Variants in EBF1 observed in about 807,000 individuals in gnomAD.
EBF1 encodes the protein transcription factor COE1.
EBF1 carries 10 observed loss-of-function variants against 68.4 expected under a neutral mutation model. The observed-to-expected ratio is 0.15, with a 90% CI of 0.09 to 0.25. The LOEUF (loss-of-function observed/expected upper bound fraction) is 0.25, where lower values mean the gene tolerates loss of function less well. Among genes scored for constraint, EBF1 ranks in the 10% least tolerant of loss-of-function variants. The pLI is 1.00. For synonymous variants in EBF1, 298 were observed against 299.8 expected, an observed-to-expected ratio of 0.99 and a Z score of 0.06; for missense variants, 509 against 794.4, an observed-to-expected ratio of 0.64 and a Z score of 4.32.
chr5:159,099,056 G>T (rs368400725), intron 1 of EBF1, among the ~76,000 whole-genome samples: 1 of 152,304 alleles, frequency 6.6e-6, no homozygotes, highest in South Asian at 2.1e-4. Flanking sequence ...ATGCTGTGTT[G>T]AGACGCCTCT....
chr5:158,774,028 C>T (rs977676233), intron 10 of EBF1, among the ~76,000 whole-genome samples: 2 of 152,134 alleles, frequency 1.3e-5, no homozygotes, highest in Admixed American at 6.5e-5. Context: ...GTCAGCCTTG[C>T]CCTACATTTA....
chr5:158,713,248 C>T, intron 12 of EBF1, 101 bp from the exon 13 acceptor site: 1 of 1,062,268 alleles, frequency 9.4e-7, no homozygotes, highest in Non-Finnish European at 1.2e-6. Context: ...TTTCAATGGT[C>T]AGCTGCATTA....
chr5:158,969,481 G>C (rs989207868), intron 6 of EBF1, among the ~76,000 whole-genome samples: 1 of 151,436 alleles, frequency 6.6e-6, no homozygotes, highest in African/African-American at 2.4e-5. Context: ...AGACTGCTAG[G>C]GGCCGGGGGC....
At chr5:159,092,049 A>T (rs1004307713) in intron 4 of EBF1, among the ~76,000 whole-genome samples, 3 of 152,214 alleles carry the variant, frequency 2.0e-5, no homozygotes, top group Non-Finnish European at 4.4e-5. Flanking sequence ...CTATTTAAAG[A>T]TATATAACTC....
intron 6 of EBF1, among the ~76,000 whole-genome samples, chr5:158,888,293 G>T (rs1229132945): frequency 6.6e-6 from 1 of 151,988 alleles, no homozygotes; most frequent in Admixed American, 6.6e-5. Flanking sequence ...TGTGTTTGTT[G>T]TGTGTATATT....
At chr5:158,881,552 C>T (rs1798904797) in intron 6 of EBF1, among the ~76,000 whole-genome samples, 1 of 152,204 alleles carries the variant, frequency 6.6e-6, no homozygotes, top group Admixed American at 6.5e-5. Context: ...GTGCTCTGCA[C>T]ACAGGTCTGT....
chr5:158,725,423 C>T (rs1161084465), intron 11 of EBF1, among the ~76,000 whole-genome samples: 2 of 152,256 alleles, frequency 1.3e-5, no homozygotes, highest in Non-Finnish European at 2.9e-5. Flanking sequence ...TGAACAACAA[C>T]TTTTTGCTCC....
At chr5:158,900,848 A>G (rs1425567492) in intron 6 of EBF1, among the ~76,000 whole-genome samples, 2 of 152,238 alleles carry the variant, frequency 1.3e-5, no homozygotes, top group Non-Finnish European at 2.9e-5. Context: ...TCCCGCAGAT[A>G]GTATTAATAA....
In EBF1 at chr5:158,906,358, C is replaced by T. The variant is rs75314136; in HGVS notation, c.555-66248G>A. ...TCCAGGTAAAATGAATGAGACATTT[C>T]GGAACCAATCATACATACAAAAAAA... On this transcript the variant is annotated intron_variant, in intron 6 of 15. Transcript: ENST00000313708. Among the ~76,000 whole-genome samples, 1,001 of 148,640 alleles carry T rather than the reference C, an allele frequency of 6.7e-3. 18 individuals carry two copies. Among genetic ancestry groups the T allele is most frequent in the African/African-American group, 0.024 (954 of 40,544 alleles).
At chr5:158,913,341 T>C (rs772336797) in intron 6 of EBF1, among the ~76,000 whole-genome samples, 4 of 152,226 alleles carry the variant, frequency 2.6e-5, no homozygotes, top group Non-Finnish European at 5.9e-5. Context: ...CAGGGCTTCA[T>C]GGTTCTAAAG....
chr5:159,020,634 C>T (rs1766499101), intron 6 of EBF1, among the ~76,000 whole-genome samples: 1 of 152,220 alleles, frequency 6.6e-6, no homozygotes, highest in South Asian at 2.1e-4. Flanking sequence ...TTTTATTATA[C>T]TCATGACTAG....
At chr5:159,050,575 A>G (rs910825173) in intron 6 of EBF1, among the ~76,000 whole-genome samples, 1 of 152,174 alleles carries the variant, frequency 6.6e-6, no homozygotes, top group Non-Finnish European at 1.5e-5. Context: ...AGTCTCAGTC[A>G]TAGCTCTCAG....
intron 6 of EBF1, among the ~76,000 whole-genome samples, chr5:158,849,759 C>T (rs904792512): frequency 6.6e-6 from 1 of 152,186 alleles, no homozygotes; most frequent in African/African-American, 2.4e-5. Flanking sequence ...TATTTTCTGA[C>T]TTTTCTATGA....
At chr5:159,011,951 C>A (rs1764748573) in intron 6 of EBF1, among the ~76,000 whole-genome samples, 1 of 152,226 alleles carries the variant, frequency 6.6e-6, no homozygotes, top group South Asian at 2.1e-4. Flanking sequence ...ATCACTCTAA[C>A]CAAGAGAGAC....
intron 11 of EBF1, among the ~76,000 whole-genome samples, chr5:158,730,203 C>T (rs545378823): frequency 2.6e-4 from 39 of 152,338 alleles, no homozygotes; most frequent in African/African-American, 8.9e-4. Flanking sequence ...ACAGTGAATG[C>T]AAGCTCAACG....
At chr5:158,786,176 A>C (rs373927344) in intron 9 of EBF1, among the ~76,000 whole-genome samples, 14 of 152,112 alleles carry the variant, frequency 9.2e-5, no homozygotes, top group African/African-American at 2.7e-4. Context: ...CAAAAAAAAA[A>C]CTTTTTACTT....
chr5:158,757,314 T>G (rs1453893620), intron 10 of EBF1, among the ~76,000 whole-genome samples: 1 of 152,206 alleles, frequency 6.6e-6, no homozygotes, highest in Non-Finnish European at 1.5e-5. Context: ...CTCTCCTTCC[T>G]GCAAATGTTT....
At chr5:158,947,221 C>A (rs760137470) in intron 6 of EBF1, among the ~76,000 whole-genome samples, 1 of 151,598 alleles carries the variant, frequency 6.6e-6, no homozygotes, top group Admixed American at 6.6e-5. Context: ...GCATTCCAGG[C>A]GCCACCAGGG....
intron 6 of EBF1, among the ~76,000 whole-genome samples, chr5:158,842,464 TG>T (rs1377549153): frequency 2.0e-5 from 3 of 152,058 alleles, no homozygotes; most frequent in African/African-American, 7.2e-5. Context: ...ACAACAAGAG[TG>T]GGTGTGATAT....
Sources: gnomAD v4.1 joint callset for allele counts (sites outside exome capture counted in the v4.1 genomes callset) on GRCh38, gnomAD v4.1.1 for gene constraint, MANE v1.5 for transcripts, NCBI Gene and HGNC (gene_info 2026-07-23, HGNC 2026-07-21) for gene names.